The following CNTNAP5 variants were observed in gnomAD, a reference collection of about 807,000 sequenced individuals.
CNTNAP5 encodes the protein contactin-associated protein-like 5.
A neutral mutation model predicts 150.2 loss-of-function variants in CNTNAP5; 72 were observed. The ratio of observed to expected loss-of-function variants is 0.48; its 90% CI spans 0.40 to 0.58. The LOEUF (loss-of-function observed/expected upper bound fraction) is 0.58. Among genes scored for constraint, CNTNAP5 ranks in the 20% least tolerant of loss-of-function variants. CNTNAP5 has a pLI of 0.00. For missense variants in CNTNAP5, 1,636 were observed against 1,626.2 expected (o/e 1.01, Z -0.10); for synonymous variants, 672 against 619.8 (o/e 1.08, Z -1.25).
intron 17 of CNTNAP5, among the ~76,000 whole-genome samples, chr2:124,786,975 C>T (rs1365007069): frequency 6.6e-6 from 1 of 152,146 alleles, no homozygotes; most frequent in African/African-American, 2.4e-5. Flanking sequence ...TACGGTTTGT[C>T]AGCATCTGTA....
At chr2:124,670,133 T>TTTCTTTCC (rs1553429560) in intron 13 of CNTNAP5, among the ~76,000 whole-genome samples, 3 of 112,510 alleles carry the variant, frequency 2.7e-5, no homozygotes, top group Non-Finnish European at 5.7e-5. Context: ...TCCTTCCTTC[T>TTTCTTTCC]TTCCTTCCTT....
intron 4 of CNTNAP5, among the ~76,000 whole-genome samples, chr2:124,425,763 G>T (rs1216423069): frequency 6.6e-6 from 1 of 152,204 alleles, no homozygotes; most frequent in East Asian, 1.9e-4. Flanking sequence ...TGATGCATTT[G>T]CTATGTCGCT....
chr2:124,028,707 T>A (rs1321385516), intron 1 of CNTNAP5, among the ~76,000 whole-genome samples: 1 of 152,132 alleles, frequency 6.6e-6, no homozygotes, highest in African/African-American at 2.4e-5. Context: ...TATGACTTGA[T>A]AGTTGGTTAA....
Position 124,270,182 on chromosome 2 carries a change from G to A in CNTNAP5, c.381+27789G>A, listed in dbSNP as rs549034859. On this transcript the variant is annotated intron_variant, in intron 3 of 23. Coordinates refer to ENST00000682447, the MANE Select transcript of CNTNAP5 (RefSeq NM_001367498.1). ...ATACAAAAATTACCCGGGCACGATG[G>A]CCTGTAATCCCAGCTACTCAGGAGG... 5.3e-5 allele frequency among the ~76,000 whole-genome samples: 8 copies of A among 152,090 alleles called. No individual in the cohort carries two copies. In the South Asian group the frequency reaches 1.7e-3, roughly 32 times the overall value.
intron 10 of CNTNAP5, among the ~76,000 whole-genome samples, chr2:124,539,510 C>T (rs1695326205): frequency 6.6e-6 from 1 of 152,210 alleles, no homozygotes; most frequent in African/African-American, 2.4e-5. Context: ...CTGTGCTGTT[C>T]ATATTTTAGC....
chr2:124,757,897 A>G (rs1320328871), intron 14 of CNTNAP5, among the ~76,000 whole-genome samples: 4 of 152,226 alleles, frequency 2.6e-5, no homozygotes, highest in Non-Finnish European at 5.9e-5. Flanking sequence ...ATAGAATTTT[A>G]TTGTCCACTT....
At chr2:124,256,572 G>A (rs758488804) in intron 3 of CNTNAP5, among the ~76,000 whole-genome samples, 15 of 152,200 alleles carry the variant, frequency 9.9e-5, no homozygotes, top group South Asian at 2.1e-4. Flanking sequence ...CAGCTGGCTC[G>A]TGAAAATAAT....
At chr2:124,753,488 T>C (rs1680774406) in intron 14 of CNTNAP5, among the ~76,000 whole-genome samples, 3 of 152,208 alleles carry the variant, frequency 2.0e-5, no homozygotes, top group African/African-American at 7.2e-5. Context: ...TTTCACAATC[T>C]CACAATAAAT....
intron 3 of CNTNAP5, among the ~76,000 whole-genome samples, chr2:124,361,585 GC>G (rs1041837122): frequency 1.4e-5 from 2 of 143,066 alleles, no homozygotes; most frequent in African/African-American, 5.4e-5. Context: ...GTGTCAGTGT[GC>G]CCCTGCTGGG....
chr2:124,336,824 G>A (rs947271178), intron 3 of CNTNAP5, among the ~76,000 whole-genome samples: 20 of 151,940 alleles, frequency 1.3e-4, no homozygotes, highest in African/African-American at 2.4e-4. Context: ...GAATAGTGCC[G>A]CAATAAACAT....
At chr2:124,066,604 T>C (rs573922291) in intron 1 of CNTNAP5, among the ~76,000 whole-genome samples, 1 of 152,230 alleles carries the variant, frequency 6.6e-6, no homozygotes, top group Non-Finnish European at 1.5e-5. Flanking sequence ...TTGGTGTTAC[T>C]TTTACATCCT....
At chr2:124,072,483 A>T (rs1297071399) in intron 1 of CNTNAP5, among the ~76,000 whole-genome samples, 2 of 151,998 alleles carry the variant, frequency 1.3e-5, no homozygotes, top group African/African-American at 4.8e-5. Context: ...AAAAACAAGG[A>T]TTTCACCAAG....
At chr2:124,097,117 G>A (rs561934104) in intron 1 of CNTNAP5, among the ~76,000 whole-genome samples, 1 of 152,232 alleles carries the variant, frequency 6.6e-6, no homozygotes, top group South Asian at 2.1e-4. Context: ...TTTAGAGCTT[G>A]GAAAGCATGT....
At chr2:124,731,452 C>G (rs1014388411) in intron 13 of CNTNAP5, among the ~76,000 whole-genome samples, 1 of 151,462 alleles carries the variant, frequency 6.6e-6, no homozygotes. Context: ...ATCGATTGTG[C>G]TAAGGCGTTT....
intron 22 of CNTNAP5, among the ~76,000 whole-genome samples, chr2:124,903,649 G>A (rs553368484): frequency 6.6e-6 from 1 of 152,256 alleles, no homozygotes; most frequent in Admixed American, 6.5e-5. Flanking sequence ...CTTTGTGAGT[G>A]TGTGTATGTG....
intron 1 of CNTNAP5, among the ~76,000 whole-genome samples, chr2:124,202,616 T>G (rs1685756135): frequency 6.6e-6 from 1 of 152,092 alleles, no homozygotes; most frequent in South Asian, 2.1e-4. Flanking sequence ...AAAAAGAGGT[T>G]TAATGGACTC....
At chr2:124,669,982 C>T (rs1471305682) in intron 13 of CNTNAP5, among the ~76,000 whole-genome samples, 2 of 152,172 alleles carry the variant, frequency 1.3e-5, no homozygotes, top group Non-Finnish European at 2.9e-5. Context: ...TTCCTCCTGA[C>T]TTCAGTGATC....
intron 13 of CNTNAP5, among the ~76,000 whole-genome samples, chr2:124,706,183 T>C (rs1409719254): frequency 5.3e-5 from 8 of 152,112 alleles, no homozygotes; most frequent in Non-Finnish European, 1.0e-4. Context: ...GTGTTCCCTT[T>C]CCAAATGTTA....
intron 3 of CNTNAP5, among the ~76,000 whole-genome samples, chr2:124,345,210 A>G (rs911952171): frequency 6.6e-6 from 1 of 152,174 alleles, no homozygotes; most frequent in South Asian, 2.1e-4. Flanking sequence ...GCCATAGAAC[A>G]TTTTGTAGAA....
Sources: gnomAD v4.1 joint callset for allele counts (sites outside exome capture counted in the v4.1 genomes callset) on GRCh38, gnomAD v4.1.1 for gene constraint, MANE v1.5 for transcripts, NCBI Gene and HGNC (gene_info 2026-07-23, HGNC 2026-07-21) for gene names.